DPP10: variants seen among roughly 807,000 people sequenced by gnomAD.
DPP10 encodes dipeptidyl peptidase like 10.
In DPP10, 33 loss-of-function variants were observed where a neutral mutation model predicts 120.9. The observed-to-expected ratio is 0.27, with a 90% CI of 0.21 to 0.37. DPP10 has a LOEUF of 0.37. DPP10 is among the 10% of genes least tolerant of loss of function. DPP10 has a pLI of 1.00. For synonymous variants in DPP10, 337 were observed against 326.1 expected, an observed-to-expected ratio of 1.03 and a Z score of -0.36; for missense variants, 816 against 942.8, an observed-to-expected ratio of 0.87 and a Z score of 1.76.
rs72840758 is a variant in DPP10 at position 115,383,028 on chromosome 2, C to G, written c.271+39116C>G. On this transcript the variant is annotated intron_variant, in intron 3 of 25. Coordinates refer to ENST00000410059, the MANE Select transcript of DPP10 (RefSeq NM_020868.6). ...TTATGATTTTTCAATTTCTCATTAT[C>G]TTCAAGAAGTGTTCCAGAAAAGAAT... Among the ~76,000 whole-genome samples the G allele has an allele frequency of 9.2e-3, 1,394 of 152,306 alleles. 10 individuals are homozygous for G. The highest frequency in any genetic ancestry group is 0.014 in the Middle Eastern group (4 of 294).
At chr2:114,630,652 G>A (rs1167742734) in intron 1 of DPP10, among the ~76,000 whole-genome samples, 5 of 152,124 alleles carry the variant, frequency 3.3e-5, no homozygotes, top group African/African-American at 1.2e-4. Flanking sequence ...ACCAAAGCAA[G>A]GTTTACCAAT....
intron 21 of DPP10, among the ~76,000 whole-genome samples, chr2:115,819,509 TCTC>T (rs1476535304): frequency 6.6e-6 from 1 of 152,210 alleles, no homozygotes; most frequent in East Asian, 1.9e-4. Flanking sequence ...CCTTTTTGTC[TCTC>T]CTCCATCCCT....
chr2:114,719,422 T>C (rs1258728014), intron 1 of DPP10, among the ~76,000 whole-genome samples: 2 of 152,178 alleles, frequency 1.3e-5, no homozygotes, highest in African/African-American at 4.8e-5. Context: ...CTGTGGTAAG[T>C]TGCTCTGCCC....
At chr2:114,916,199 G>T (rs144828054) in intron 1 of DPP10, among the ~76,000 whole-genome samples, 1 of 151,988 alleles carries the variant, frequency 6.6e-6, no homozygotes, top group Non-Finnish European at 1.5e-5. Context: ...TATGAACACC[G>T]CTATTCACAT....
chr2:114,688,103 G>T (rs2105751172), intron 1 of DPP10, among the ~76,000 whole-genome samples: 1 of 152,022 alleles, frequency 6.6e-6, no homozygotes, highest in South Asian at 2.1e-4. Context: ...GGAAGAACAT[G>T]TTACACAATT....
chr2:115,625,588 T>G (rs1006715736), intron 5 of DPP10, among the ~76,000 whole-genome samples: 4 of 152,172 alleles, frequency 2.6e-5, no homozygotes, highest in African/African-American at 9.6e-5. Flanking sequence ...AATAGCCATG[T>G]AGTTTGGAAA....
In DPP10 at chr2:114,751,226, CCA is replaced by C. The variant is rs74411209; in HGVS notation, c.60+308390_60+308391del. ...CCTATACAAATTATCATGATTCTCC[CCA>C]CTGGCCTACCATAATTTTAATAAGT... On this transcript the variant is annotated intron_variant, in intron 1 of 25. Transcript: ENST00000410059. 2.7e-3 allele frequency among the ~76,000 whole-genome samples: 418 copies of C among 152,310 alleles called. 16 individuals carry two copies. In the East Asian group the frequency reaches 0.068, roughly 25 times the overall value.
intron 1 of DPP10, among the ~76,000 whole-genome samples, chr2:114,584,637 C>A (rs548166460): frequency 2.7e-4 from 40 of 146,334 alleles, no homozygotes; most frequent in African/African-American, 9.3e-4. Flanking sequence ...TGAGTGAGAA[C>A]CTGCAGTGTT....
At chr2:115,842,140 C>T in intron 25 of DPP10, 71 bp from the exon 26 acceptor site, 1 of 1,457,806 alleles carries the variant, frequency 6.9e-7, no homozygotes, top group Non-Finnish European at 9.2e-7. Context: ...GACGTTAGGG[C>T]TCAGAAAATG....
In DPP10 at chr2:114,899,934, TG is replaced by T. The variant is rs1693410480; in HGVS notation, c.61-409302del. Among the ~76,000 whole-genome samples, 5 of 152,362 alleles carry T rather than the reference TG, an allele frequency of 3.3e-5. No individual in the cohort carries two copies. The South Asian group carries it at 1.0e-3, about 32-fold the overall frequency. ...AAGATCGCACCACTGCACTCCAGCC[TG>T]GGTGACAGAGCGAGACTCCGTCTCA... On this transcript the variant is annotated intron_variant, in intron 1 of 25. Transcript: ENST00000410059.
At chr2:115,217,274 A>G (rs370555354) in intron 1 of DPP10, among the ~76,000 whole-genome samples, 27 of 152,194 alleles carry the variant, frequency 1.8e-4, no homozygotes, top group East Asian at 7.7e-4. Flanking sequence ...AAAGGATTAA[A>G]TAATAGCTTT....
At chr2:115,239,750 C>A (rs2058179235) in intron 1 of DPP10, among the ~76,000 whole-genome samples, 1 of 152,102 alleles carries the variant, frequency 6.6e-6, no homozygotes, top group East Asian at 1.9e-4. Context: ...TATCCCTCTC[C>A]TAGCCCCCCA....
chr2:115,134,677 GC>G (rs2050556221), intron 1 of DPP10, among the ~76,000 whole-genome samples: 3 of 151,936 alleles, frequency 2.0e-5, no homozygotes, highest in Non-Finnish European at 4.4e-5. Flanking sequence ...CAGAGTAATA[GC>G]ATAATGGATA....
chr2:114,507,519 C>T (rs1683779949), intron 1 of DPP10, among the ~76,000 whole-genome samples: 1 of 152,148 alleles, frequency 6.6e-6, no homozygotes, highest in Non-Finnish European at 1.5e-5. Context: ...CCAGAAACAA[C>T]ATGATTCATA....
At chr2:114,527,609 G>A (rs776116788) in intron 1 of DPP10, among the ~76,000 whole-genome samples, 3 of 152,128 alleles carry the variant, frequency 2.0e-5, no homozygotes, top group Admixed American at 2.0e-4. Flanking sequence ...TTTTATACAC[G>A]GGGGATTCTG....
chr2:114,931,416 G>A (rs1696061024), intron 1 of DPP10, among the ~76,000 whole-genome samples: 1 of 152,194 alleles, frequency 6.6e-6, no homozygotes, highest in Admixed American at 6.5e-5. Context: ...GTAAGATGCA[G>A]TGAGGCCATG....
chr2:115,152,299 T>C (rs569547032), intron 1 of DPP10, among the ~76,000 whole-genome samples: 1 of 152,338 alleles, frequency 6.6e-6, no homozygotes, highest in South Asian at 2.1e-4. Flanking sequence ...TAAAACTTTA[T>C]TTCTAAAAAC....
chr2:115,141,353 C>T (rs1207798875), intron 1 of DPP10, among the ~76,000 whole-genome samples: 1 of 152,152 alleles, frequency 6.6e-6, no homozygotes, highest in Admixed American at 6.5e-5. Flanking sequence ...TTCCAGACAC[C>T]GTGCATGCCG....
chr2:115,557,030 C>G (rs1346712289), intron 5 of DPP10, among the ~76,000 whole-genome samples: 6 of 152,106 alleles, frequency 3.9e-5, no homozygotes, highest in Non-Finnish European at 7.4e-5. Flanking sequence ...TTTCTGCTGG[C>G]TAAATCAACA....
Sources: gnomAD v4.1 joint callset for allele counts (sites outside exome capture counted in the v4.1 genomes callset) on GRCh38, gnomAD v4.1.1 for gene constraint, MANE v1.5 for transcripts, NCBI Gene and HGNC (gene_info 2026-07-23, HGNC 2026-07-21) for gene names.